Variants in PIP4K2A observed in about 807,000 individuals in gnomAD.
PIP4K2A encodes the protein phosphatidylinositol-5-phosphate 4-kinase type 2 alpha, also known as phosphatidylinositol 5-phosphate 4-kinase type-2 alpha.
A neutral mutation model predicts 42.9 loss-of-function variants in PIP4K2A; 14 were observed. The ratio of observed to expected loss-of-function variants is 0.33; its 90% confidence interval spans 0.22 to 0.51. The LOEUF (loss-of-function observed/expected upper bound fraction) is 0.51. PIP4K2A is among the 20% of genes least tolerant of loss of function. PIP4K2A has a pLI of 0.97. For synonymous variants in PIP4K2A, 192 were observed against 192.2 expected (o/e 1.00, Z 0.01); for missense variants, 434 against 519.8 (o/e 0.83, Z 1.61).
intron 1 of PIP4K2A, among the ~76,000 whole-genome samples, chr10:22,664,154 C>CATATATATATATATATACACATAT (rs66781717): frequency 3.2e-5 from 2 of 62,280 alleles, no homozygotes; most frequent in East Asian, 6.7e-4. Flanking sequence ...TATATATACA[C>CATATATATATATATATACACATAT]ATATATATAT....
intron 1 of PIP4K2A, among the ~76,000 whole-genome samples, chr10:22,666,779 C>T (rs1839360768): frequency 6.6e-6 from 1 of 152,194 alleles, no homozygotes; most frequent in Non-Finnish European, 1.5e-5. Context: ...GCCCTACTAC[C>T]CCTTTGCTCC....
chr10:22,679,184 C>T (rs749261934), intron 1 of PIP4K2A, among the ~76,000 whole-genome samples: 21 of 152,164 alleles, frequency 1.4e-4, no homozygotes, highest in Non-Finnish European at 2.6e-4. Context: ...TGACAAGTGA[C>T]TTTTACTCAA....
At chr10:22,698,921 A>T (rs1202503915) in intron 1 of PIP4K2A, among the ~76,000 whole-genome samples, 1 of 152,248 alleles carries the variant, frequency 6.6e-6, no homozygotes, top group Non-Finnish European at 1.5e-5. Flanking sequence ...GTTCACCTAA[A>T]TAAGCATAAG....
chr10:22,639,640 A>C (rs541372360), intron 1 of PIP4K2A, among the ~76,000 whole-genome samples: 209 of 152,310 alleles, frequency 1.4e-3, no homozygotes, highest in African/African-American at 5.0e-3. Flanking sequence ...ACAATACAAA[A>C]TGCCGCAAGC....
intron 5 of PIP4K2A, among the ~76,000 whole-genome samples, chr10:22,571,625 A>T (rs1432808080): frequency 6.6e-6 from 1 of 152,256 alleles, no homozygotes; most frequent in African/African-American, 2.4e-5. Context: ...GATGAAGAGT[A>T]CAAAAAGTTC....
At chr10:22,615,289 G>A (rs1476833987) in intron 1 of PIP4K2A, among the ~76,000 whole-genome samples, 1 of 152,096 alleles carries the variant, frequency 6.6e-6, no homozygotes, top group African/African-American at 2.4e-5. Context: ...AAATTTTTTT[G>A]TGGTGACAAG....
intron 1 of PIP4K2A, among the ~76,000 whole-genome samples, chr10:22,638,943 A>G (rs1539628): frequency 0.32 from 48,664 of 152,078 alleles, 8,497 homozygotes; most frequent in African/African-American, 0.46. Context: ...TGTTAGCACC[A>G]CCCTGAGCAT....
chr10:22,688,437 G>C (rs2130894199), intron 1 of PIP4K2A, among the ~76,000 whole-genome samples: 1 of 152,256 alleles, frequency 6.6e-6, no homozygotes, highest in Middle Eastern at 3.4e-3. Context: ...AAACCACAAA[G>C]TATCTAAAAG....
chr10:22,630,346 A>G (rs10508650), intron 1 of PIP4K2A, among the ~76,000 whole-genome samples: 18,730 of 129,758 alleles, frequency 0.14, 1,264 homozygotes, highest in African/African-American at 0.31. Flanking sequence ...GATGATCACC[A>G]TAACAGTTTA....
chr10:22,648,256 A>G (rs540721760), intron 1 of PIP4K2A, among the ~76,000 whole-genome samples: 1 of 152,364 alleles, frequency 6.6e-6, no homozygotes, highest in Non-Finnish European at 1.5e-5. Flanking sequence ...GAGAATATGT[A>G]CAGAAAATAT....
At chr10:22,540,851 G>A (rs1298156475) in intron 8 of PIP4K2A, among the ~76,000 whole-genome samples, 3 of 152,112 alleles carry the variant, frequency 2.0e-5, no homozygotes, top group Admixed American at 6.5e-5. Flanking sequence ...CACTGCGCCC[G>A]GCCCGTGTCT....
At chr10:22,639,151 A>C (rs1838726501) in intron 1 of PIP4K2A, among the ~76,000 whole-genome samples, 1 of 152,188 alleles carries the variant, frequency 6.6e-6, no homozygotes, top group Non-Finnish European at 1.5e-5. Context: ...CAAATCAAAG[A>C]CATCAGAAAA....
At chr10:22,595,222 A>C (rs1837606725) in intron 3 of PIP4K2A, among the ~76,000 whole-genome samples, 1 of 152,172 alleles carries the variant, frequency 6.6e-6, no homozygotes, top group Non-Finnish European at 1.5e-5. Context: ...AGAGAGGAAA[A>C]GCTAGATCCA....
chr10:22,638,401 C>T lies in PIP4K2A; in HGVS notation c.145-28684G>A, dbSNP rs116650311. Among the ~76,000 whole-genome samples the T allele has an allele frequency of 1.6e-3, 249 of 152,164 alleles. 2 individuals are homozygous for T. Among genetic ancestry groups the T allele is most frequent in the African/African-American group, 5.8e-3 (242 of 41,494 alleles). On this transcript the variant is annotated intron_variant, in intron 1 of 9. Transcript: ENST00000376573. ...GGTTAATCTGACCTCAATTTATAGCCTCTCTCAATAACTGTTCTCCTCTCC... is the reference window on the plus strand; with the variant it reads ...GGTTAATCTGACCTCAATTTATAGCTTCTCTCAATAACTGTTCTCCTCTCC...
chr10:22,633,975 C>T (rs1838608387), intron 1 of PIP4K2A, among the ~76,000 whole-genome samples: 1 of 152,242 alleles, frequency 6.6e-6, no homozygotes, highest in African/African-American at 2.4e-5. Context: ...TCATTGTCAT[C>T]ACTGTCCCCA....
At chr10:22,671,229 C>T (rs1341221546) in intron 1 of PIP4K2A, among the ~76,000 whole-genome samples, 1 of 152,112 alleles carries the variant, frequency 6.6e-6, no homozygotes, top group East Asian at 1.9e-4. Flanking sequence ...ATTCAACATA[C>T]TATTGACTGC....
chr10:22,698,725 T>C (rs906689246), intron 1 of PIP4K2A, among the ~76,000 whole-genome samples: 1 of 152,190 alleles, frequency 6.6e-6, no homozygotes, highest in Admixed American at 6.5e-5. Flanking sequence ...ATTAAATACA[T>C]AGAATAGTCT....
chr10:22,685,902 T>C (rs1180114147), intron 1 of PIP4K2A, among the ~76,000 whole-genome samples: 1 of 152,214 alleles, frequency 6.6e-6, no homozygotes, highest in Non-Finnish European at 1.5e-5. Context: ...GTTACCTATT[T>C]TGTTGTTTGT....
chr10:22,579,021 C>T (rs1837190606), intron 4 of PIP4K2A, among the ~76,000 whole-genome samples: 1 of 152,018 alleles, frequency 6.6e-6, no homozygotes, highest in Admixed American at 6.6e-5. Context: ...AGGGAAGCCC[C>T]AGATTTTTCT....
Sources: gnomAD v4.1 joint callset for allele counts (sites outside exome capture counted in the v4.1 genomes callset) on GRCh38, gnomAD v4.1.1 for gene constraint, MANE v1.5 for transcripts, NCBI Gene and HGNC (gene_info 2026-07-23, HGNC 2026-07-21) for gene names.